The following PNPLA4 variants were observed in gnomAD, a reference collection of about 807,000 sequenced individuals.
The protein encoded by PNPLA4 is patatin-like phospholipase domain-containing protein 4.
In PNPLA4, 15 loss-of-function variants were observed where a neutral mutation model predicts 18.3. The observed-to-expected ratio is 0.82, with a 90% CI of 0.55 to 1.26. The LOEUF (loss-of-function observed/expected upper bound fraction) is 1.26. Among genes scored for constraint, PNPLA4 ranks in the 50% most tolerant of loss-of-function variants. The pLI, the probability that PNPLA4 is intolerant of heterozygous loss-of-function variation, is 0.00. For synonymous variants in PNPLA4, 88 were observed against 85.6 expected, an observed-to-expected ratio of 1.03 and a Z score of -0.16; for missense variants, 229 against 196.8, an observed-to-expected ratio of 1.16 and a Z score of -0.98.
At chrX:7,902,246 T>C (rs1923564670) in intron 5 of PNPLA4, 105 bp from the exon 6 acceptor site, 3 of 785,369 alleles carry the variant, frequency 3.8e-6, no homozygotes, top group Non-Finnish European at 5.4e-6. Context: ...TTTAAATTGC[T>C]ATTTTTGAGG....
chrX:7,912,202 C>T (rs1003071452), intron 4 of PNPLA4, 109 bp from the exon 5 acceptor site: 5 of 523,927 alleles, frequency 9.5e-6, no homozygotes, highest in Non-Finnish European at 1.7e-5. Flanking sequence ...GCCCCACAGA[C>T]TTCAAGTGCA....
chrX:7,902,162 C>T (rs376473906), intron 5 of PNPLA4, 21 bp from the exon 6 acceptor site: 58 of 1,170,550 alleles, frequency 5.0e-5, no homozygotes, highest in Non-Finnish European at 6.4e-5. Context: ...AAACATCTCA[C>T]GTCAGCACAC....
At position 7,900,656 on chromosome X, in the gene PNPLA4, C is replaced by T. The variant is rs370009337; in HGVS notation, c.*30G>A. On this transcript the variant is annotated 3_prime_UTR_variant, in exon 7 of 7. Transcript: ENST00000381042. ...AACTTCCATCAAAAACTATCTAAAA[C>T]GTGTTTTGCATTATAAACTTTTATG... is the stretch of plus-strand genomic sequence containing the variant. 9 of 1,025,106 alleles carry T rather than the reference C, an allele frequency of 8.8e-6. No homozygotes were observed. The South Asian group carries it at 9.3e-5, about 11-fold the overall frequency. 84.5% of individuals were successfully genotyped at this position (1,025,106 alleles called of 1,213,427 possible).
intron 5 of PNPLA4, among the ~76,000 whole-genome samples, chrX:7,905,018 C>G (rs1307347625): frequency 8.9e-6 from 1 of 112,348 alleles, no homozygotes; most frequent in East Asian, 2.8e-4. Context: ...ACTGCTAGAC[C>G]TACTACTCTT....
intron 4 of PNPLA4, among the ~76,000 whole-genome samples, chrX:7,914,951 T>C (rs1297523772): frequency 8.9e-6 from 1 of 112,039 alleles, no homozygotes; most frequent in African/African-American, 3.2e-5. Context: ...TTGTCATAGC[T>C]GACTCTCCCT....
At chrX:7,921,592 C>T in intron 4 of PNPLA4, 121 bp downstream of exon 4, 1 of 632,447 alleles carries the variant, frequency 1.6e-6, no homozygotes, top group Non-Finnish European at 2.5e-6. Flanking sequence ...AGCACTCAAC[C>T]ATCTATCGGG....
chrX:7,900,869 A>G, intron 6 of PNPLA4, 52 bp from the exon 7 acceptor site: 1 of 950,229 alleles, frequency 1.1e-6, no homozygotes. Context: ...GTACAGGTAA[A>G]TATACACTAT....
chrX:7,908,121 T>C (rs1350719624), intron 5 of PNPLA4, among the ~76,000 whole-genome samples: 2 of 111,344 alleles, frequency 1.8e-5, no homozygotes, highest in African/African-American at 6.5e-5. Context: ...CACAAATATA[T>C]CTTAATAAAA....
At chrX:7,901,474 G>A (rs1160238212) in intron 6 of PNPLA4, among the ~76,000 whole-genome samples, 3 of 110,734 alleles carry the variant, frequency 2.7e-5, no homozygotes, top group Non-Finnish European at 5.7e-5. Context: ...GCAGTCCCAG[G>A]TACTTGGGAG....
At position 7,918,146 on chromosome X, in the gene PNPLA4, C is replaced by T. The variant is rs1474581963; in HGVS notation, c.411+3567G>A. ...TCTTTCTCTCTGTCTCCCATCCCCT[C>T]CCATCTACAGAATATCCAGATACTG... On this transcript the variant is annotated intron_variant, in intron 4 of 6. Coordinates refer to ENST00000381042, the MANE Select transcript of PNPLA4 (RefSeq NM_004650.3). Among the ~76,000 whole-genome samples, 4 of 111,634 alleles carry T rather than the reference C, an allele frequency of 3.6e-5. No homozygotes were observed. In the East Asian group the frequency reaches 1.1e-3, roughly 31 times the overall value.
chrX:7,918,259 G>A (rs1451411640), intron 4 of PNPLA4, among the ~76,000 whole-genome samples: 1 of 111,722 alleles, frequency 9.0e-6, no homozygotes, highest in Admixed American at 9.5e-5. Flanking sequence ...GAGGTTTAAT[G>A]GCCTCACAAT....
chrX:7,901,871 G>A, intron 6 of PNPLA4, 118 bp downstream of exon 6: 1 of 687,006 alleles, frequency 1.5e-6, no homozygotes, highest in East Asian at 3.4e-5. Context: ...CTAAGGAGAA[G>A]ATGCAACTCC....
chrX:7,908,186 A>T (rs747537748), intron 5 of PNPLA4, among the ~76,000 whole-genome samples: 1 of 111,885 alleles, frequency 8.9e-6, no homozygotes, highest in East Asian at 2.8e-4. Flanking sequence ...AACAAAAGTC[A>T]CAAGTGGAGA....
In PNPLA4 at chrX:7,921,232, T is replaced by C. The variant is rs375109323; in HGVS notation, c.411+481A>G. Among the ~76,000 whole-genome samples, 5 of 111,500 alleles carry C rather than the reference T, an allele frequency of 4.5e-5. No individual in the cohort carries two copies. In the East Asian group the frequency reaches 1.1e-3, roughly 25 times the overall value. ...TTGCAATGAGCCAAGATTGCACCAC[T>C]GCACTCCAGCCTAGGCAAACGAGCG... On this transcript the variant is annotated intron_variant, in intron 4 of 6. Transcript: ENST00000381042.
chrX:7,925,407 A>T (rs990509574), intron 2 of PNPLA4, among the ~76,000 whole-genome samples: 10 of 112,711 alleles, frequency 8.9e-5, no homozygotes, highest in African/African-American at 2.6e-4. Flanking sequence ...GCATTAAATA[A>T]AGTACTTAAT....
At chrX:7,922,238 C>T (rs1183363229) in intron 2 of PNPLA4, 140 bp from the exon 3 acceptor site, 16 of 481,721 alleles carry the variant, frequency 3.3e-5, no homozygotes, top group Middle Eastern at 5.1e-4. Context: ...CCCACCTGGC[C>T]GGGGCCTCAC....
intron 5 of PNPLA4, among the ~76,000 whole-genome samples, chrX:7,909,391 C>A (rs1227779954): frequency 9.0e-6 from 1 of 110,533 alleles, no homozygotes; most frequent in Non-Finnish European, 1.9e-5. Flanking sequence ...AACCCCATCT[C>A]TACTAAAAAC....
chrX:7,918,853 C>T (rs1359177898), intron 4 of PNPLA4, among the ~76,000 whole-genome samples: 1 of 112,072 alleles, frequency 8.9e-6, no homozygotes, highest in East Asian at 2.8e-4. Context: ...TCTTCCTTTG[C>T]TACATCATCC....
At chrX:7,913,704 T>C (rs1299565646) in intron 4 of PNPLA4, among the ~76,000 whole-genome samples, 2 of 112,844 alleles carry the variant, frequency 1.8e-5, no homozygotes, top group African/African-American at 6.4e-5. Flanking sequence ...AATATTAAGA[T>C]GTTGACAGCA....
Sources: gnomAD v4.1 joint callset for allele counts (sites outside exome capture counted in the v4.1 genomes callset) on GRCh38, gnomAD v4.1.1 for gene constraint, MANE v1.5 for transcripts, NCBI Gene and HGNC (gene_info 2026-07-23, HGNC 2026-07-21) for gene names.